The following IMMT variants were observed in gnomAD, a reference collection of about 807,000 sequenced individuals.
IMMT encodes MICOS complex subunit MIC60.
IMMT carries 40 observed loss-of-function variants against 92.7 expected under a neutral mutation model. The ratio of observed to expected loss-of-function variants is 0.43; its 90% CI spans 0.34 to 0.56. The LOEUF is 0.56. IMMT is among the 20% of genes least tolerant of loss of function. The pLI is 0.03. For missense variants in IMMT, 831 were observed against 912.1 expected, an observed-to-expected ratio of 0.91 and a Z score of 1.14; for synonymous variants, 322 against 336.1, an observed-to-expected ratio of 0.96 and a Z score of 0.46.
chr2:86,169,313 T>C (rs1470579843), intron 6 of IMMT, among the ~76,000 whole-genome samples: 3 of 152,210 alleles, frequency 2.0e-5, no homozygotes, highest in African/African-American at 7.2e-5. Context: ...AAATGAAATA[T>C]TTCACTTAGT....
intron 1 of IMMT, among the ~76,000 whole-genome samples, chr2:86,182,207 T>A (rs1327759134): frequency 6.6e-6 from 1 of 152,256 alleles, no homozygotes; most frequent in Admixed American, 6.5e-5. Flanking sequence ...TTTGAAAATT[T>A]ACACTTATCA....
chr2:86,190,970 A>C (rs779735951), intron 1 of IMMT, among the ~76,000 whole-genome samples: 8 of 150,944 alleles, frequency 5.3e-5, no homozygotes, highest in Non-Finnish European at 1.0e-4. Flanking sequence ...GCCTGGGCAA[A>C]GAATAAGGTA....
rs1675126703 is a variant in IMMT, at chr2:86,147,716, A to C, written c.1519T>G (p.Ser507Ala). Residue 507 changes from serine (S) to alanine (A), a missense_variant, in exon 13 of 15, where the codon TCT becomes GCT. Physicochemically the swap from Ser to Ala is moderately conservative, Grantham distance 99 (BLOSUM62 1). Coordinates refer to ENST00000410111, the MANE Select transcript of IMMT (RefSeq NM_006839.3). ...CAGGTCCTCACCTGCTCAAATTCAG[A>C]CTTCAATTCCTGTTCTTGTACCCTA... ...VLRVQEQELKSEFEQNLSEKL... is the reference protein window; with the variant it reads ...VLRVQEQELKAEFEQNLSEKL... 6.2e-7 allele frequency: 1 copy of C among 1,613,154 alleles called. No individual in the cohort carries two copies. Among genetic ancestry groups the C allele is most frequent in the African/African-American group, 1.3e-5 (1 of 74,894 alleles).
intron 7 of IMMT, among the ~76,000 whole-genome samples, chr2:86,165,477 A>G (rs749038279): frequency 1.3e-5 from 2 of 152,252 alleles, no homozygotes; most frequent in African/African-American, 2.4e-5. Context: ...CTTTTGTAAT[A>G]TAAGTACATA....
intron 4 of IMMT, among the ~76,000 whole-genome samples, chr2:86,172,850 A>C (rs960789761): frequency 6.6e-6 from 1 of 152,090 alleles, no homozygotes; most frequent in Admixed American, 6.5e-5. Context: ...TCTCTTTCTA[A>C]TCTTTGCTCA....
chr2:86,170,625 A>T (rs1276266940), intron 6 of IMMT, 124 bp downstream of exon 6: 1 of 645,962 alleles, frequency 1.5e-6, no homozygotes, highest in Non-Finnish European at 2.7e-6. Flanking sequence ...TGCCACTAAA[A>T]AACAACCGCA....
intron 7 of IMMT, among the ~76,000 whole-genome samples, chr2:86,164,948 A>C (rs3770067): frequency 6.6e-6 from 1 of 151,962 alleles, no homozygotes; most frequent in Non-Finnish European, 1.5e-5. Flanking sequence ...AGTATATATT[A>C]GAAATTACAT....
rs767592860 is a variant in IMMT, at chr2:86,173,631, T to C, written c.421+19A>G. 3.2e-5 allele frequency: 42 copies of C among 1,317,666 alleles called. No homozygotes were observed. The highest frequency in any genetic ancestry group is 5.4e-5 in the Admixed American group (3 of 55,178). 81.6% of individuals were successfully genotyped at this position (1,317,666 alleles called of 1,614,324 possible). On this transcript the variant is annotated intron_variant, in intron 4 of 14. Coordinates refer to ENST00000410111, the MANE Select transcript of IMMT (RefSeq NM_006839.3). Reference sequence around the variant, plus strand: ...AGATTTACCTATAATTTTAAAAAGATGGTTCAAAATATAAGTACCTGTTGC... The same window carrying C: ...AGATTTACCTATAATTTTAAAAAGACGGTTCAAAATATAAGTACCTGTTGC...
chr2:86,181,798 C>G (rs1362681428), intron 1 of IMMT, among the ~76,000 whole-genome samples: 1 of 152,286 alleles, frequency 6.6e-6, no homozygotes, highest in African/African-American at 2.4e-5. Flanking sequence ...GATACACACT[C>G]AAGGGACAGA....
chr2:86,156,476 C>T (rs1233755515), intron 10 of IMMT, among the ~76,000 whole-genome samples: 1 of 151,772 alleles, frequency 6.6e-6, no homozygotes, highest in African/African-American at 2.4e-5. Flanking sequence ...CGCCTGTAGT[C>T]CCAGCTACTC....
At chr2:86,151,084 T>C (rs1305440391) in intron 12 of IMMT, among the ~76,000 whole-genome samples, 2 of 152,106 alleles carry the variant, frequency 1.3e-5, no homozygotes, top group African/African-American at 4.8e-5. Flanking sequence ...ACCCAGCTAA[T>C]TTTTGTATTT....
rs1677069738 is a variant in IMMT, at chr2:86,171,354, A to T, written c.422-9T>A. 1.2e-6 allele frequency: 2 copies of T among 1,607,838 alleles called. No homozygotes were observed. The highest frequency in any genetic ancestry group is 1.7e-6 in the Non-Finnish European group (2 of 1,176,620). ...AGCCGCTTCTGTAGGTGCTATAAATATATGTTACTCATGGTATTTATACTT... is the reference window on the plus strand; with the variant it reads ...AGCCGCTTCTGTAGGTGCTATAAATTTATGTTACTCATGGTATTTATACTT... On this transcript the variant is annotated splice_polypyrimidine_tract_variant and intron_variant, in intron 4 of 14. Transcript: ENST00000410111.
Position 86,170,678 on chromosome 2 carries a change from T to C in IMMT, c.655+71A>G, listed in dbSNP as rs1677020441. ...AACTAGGTGATAGATGACAAACTTGTGCTGATAGTTTAAGAAGAGAGCAAC... is the reference window on the plus strand; with the variant it reads ...AACTAGGTGATAGATGACAAACTTGCGCTGATAGTTTAAGAAGAGAGCAAC... On this transcript the variant is annotated intron_variant, in intron 6 of 14. Coordinates refer to ENST00000410111, the MANE Select transcript of IMMT (RefSeq NM_006839.3). 7 of 1,003,958 alleles carry C rather than the reference T, an allele frequency of 7.0e-6. 1 individual carries two copies. In the Middle Eastern group the frequency reaches 6.1e-4, roughly 88 times the overall value. 62.2% of individuals were successfully genotyped at this position (1,003,958 alleles called of 1,614,324 possible).
chr2:86,146,927 A>G (rs1377975372), intron 13 of IMMT, among the ~76,000 whole-genome samples: 1 of 151,854 alleles, frequency 6.6e-6, no homozygotes, highest in African/African-American at 2.4e-5. Flanking sequence ...TGCCCAGGTA[A>G]TTTTTGTATT....
At chr2:86,194,292 C>T (rs1471447543) in intron 1 of IMMT, among the ~76,000 whole-genome samples, 1 of 152,204 alleles carries the variant, frequency 6.6e-6, no homozygotes, top group Non-Finnish European at 1.5e-5. Context: ...GACTTCTATC[C>T]TACAGAACCC....
At chr2:86,144,994 A>G (rs1023932888) in intron 14 of IMMT, 113 bp from the exon 15 acceptor site, 4 of 1,279,030 alleles carry the variant, frequency 3.1e-6, no homozygotes, top group Non-Finnish European at 3.2e-6. Flanking sequence ...AGATGAGGCC[A>G]GAGAGACTTT....
At chr2:86,192,938 A>G (rs539384920) in intron 1 of IMMT, 2 of 154,320 alleles carry the variant, frequency 1.3e-5, no homozygotes, top group South Asian at 2.0e-4. Flanking sequence ...TCAAGGGCCC[A>G]TGGTAAGCAG....
chr2:86,162,147 T>C, intron 7 of IMMT, 68 bp from the exon 8 acceptor site: 1 of 924,158 alleles, frequency 1.1e-6, no homozygotes, highest in Non-Finnish European at 1.6e-6. Context: ...CCAACAAGAT[T>C]GAACACAGAA....
intron 10 of IMMT, 124 bp downstream of exon 10, chr2:86,158,468 G>T: frequency 1.4e-6 from 1 of 712,418 alleles, no homozygotes. Context: ...ATAAAACGCT[G>T]TAACAAAAAG....
Sources: allele counts gnomAD v4.1 joint callset (sites outside exome capture counted in the v4.1 genomes callset), GRCh38; gene constraint gnomAD v4.1.1; transcripts MANE v1.5; gene names NCBI Gene and HGNC (gene_info 2026-07-23, HGNC 2026-07-21).